SCN10A: variants seen among roughly 807,000 people sequenced by gnomAD.
SCN10A encodes sodium channel protein type 10 subunit alpha.
Under a neutral mutation model 170.7 loss-of-function variants are expected in SCN10A, and 162 were observed. That is an observed-to-expected ratio of 0.95 (90% CI 0.84 to 1.08). SCN10A has a LOEUF of 1.08. Among genes scored for constraint, SCN10A ranks in the 50% least tolerant of loss-of-function variants. The probability of loss-of-function intolerance (pLI) is 0.00; values close to 1 mark genes in which losing one functional copy is unlikely to be tolerated. For synonymous variants in SCN10A, 985 were observed against 904.6 expected (o/e 1.09, Z -1.59); for missense variants, 2,527 against 2,436.9 (o/e 1.04, Z -0.78).
chr3:38,701,718 G>T, intron 27 of SCN10A, 121 bp downstream of exon 27: 1 of 907,536 alleles, frequency 1.1e-6, no homozygotes. Flanking sequence ...CAAATACAGG[G>T]TTCTTCTAAC....
chr3:38,789,050 GT>G lies in SCN10A; in HGVS notation c.390-15del. On this transcript the variant is annotated splice_polypyrimidine_tract_variant and intron_variant, in intron 3 of 27. Transcript: ENST00000449082. ...AAACTGAACCACCTGAAAGGCCTGT[GT>G]TAAGGAAAAGCTGAGATCACCAAGT... 2 of 1,560,830 alleles carry G rather than the reference GT, an allele frequency of 1.3e-6. No individual in the cohort carries two copies. The highest frequency in any genetic ancestry group is 1.8e-6 in the Non-Finnish European group (2 of 1,132,212).
chr3:38,781,997 A>G (rs1306802691), intron 4 of SCN10A, among the ~76,000 whole-genome samples: 1 of 152,050 alleles, frequency 6.6e-6, no homozygotes, highest in African/African-American at 2.4e-5. Flanking sequence ...CGTGTAATAC[A>G]TTGTCCTTAG....
chr3:38,757,356 T>C (rs2063820304), intron 8 of SCN10A, among the ~76,000 whole-genome samples, 197 bp from the exon 9 acceptor site: 1 of 152,200 alleles, frequency 6.6e-6, no homozygotes, highest in African/African-American at 2.4e-5. Context: ...GCTAATACTT[T>C]CACGTCAGAA....
chr3:38,755,956 C>A lies in SCN10A; in HGVS notation c.1293G>T (p.Val431=). 6.2e-7 allele frequency: 1 copy of A among 1,614,210 alleles called. No individual in the cohort carries two copies. Among genetic ancestry groups the A allele is most frequent in the South Asian group, 1.1e-5 (1 of 91,088 alleles). Residue 431 remains valine (V), a splice_region_variant and synonymous_variant, in exon 11 of 28, where the codon GTG becomes GTT. Transcript: ENST00000449082. ...TTGTGTCAATCCCTAGTGCTGCTAGCACCTGCGAAGAGAGAACAGCAGGTG... is the reference window on the plus strand; with the variant it reads ...TTGTGTCAATCCCTAGTGCTGCTAGAACCTGCGAAGAGAGAACAGCAGGTG... ...ALEMLRKEQE[V]LAALGIDTTS... is the part of the protein sequence containing the mutation.
intron 4 of SCN10A, among the ~76,000 whole-genome samples, chr3:38,780,266 C>A (rs1391359062): frequency 9.9e-5 from 15 of 151,790 alleles, no homozygotes; most frequent in African/African-American, 2.4e-5. Flanking sequence ...GACCGAGATT[C>A]CACTTTCTCT....
intron 3 of SCN10A, among the ~76,000 whole-genome samples, chr3:38,791,259 G>A (rs2064277358): frequency 6.6e-6 from 1 of 152,162 alleles, no homozygotes; most frequent in Admixed American, 6.5e-5. Flanking sequence ...TAGGTCATTA[G>A]GATCTTTCCA....
rs756977771 is a variant in SCN10A at position 38,728,703 on chromosome 3, A to G, written c.2479T>C (p.Trp827Arg). ...AAGTCGTGCATGTGCCAGCGGGGCC[A>G]GTCTTCATGGGGCGCGGAGATATTT... ...RKNISAPHED[W>R]PRWHMHDFFH... Residue 827 changes from tryptophan (W) to arginine (R), a missense_variant, in exon 16 of 28, where the codon TGG becomes CGG. By Grantham distance (101) the Trp-to-Arg change is moderately radical (BLOSUM62 -3). Transcript: ENST00000449082. The G allele has an allele frequency of 5.0e-6, 8 of 1,613,956 alleles. No individual in the cohort carries two copies. Among genetic ancestry groups the G allele is most frequent in the African/African-American group, 2.7e-5 (2 of 74,898 alleles).
At chr3:38,731,383 A>G (rs1311787608) in intron 15 of SCN10A, among the ~76,000 whole-genome samples, 1 of 152,314 alleles carries the variant, frequency 6.6e-6, no homozygotes, top group East Asian at 1.9e-4. Flanking sequence ...GTAATATGTA[A>G]TGTGTAATAT....
intron 4 of SCN10A, among the ~76,000 whole-genome samples, chr3:38,780,885 T>G (rs2064131088): frequency 6.6e-6 from 1 of 151,990 alleles, no homozygotes; most frequent in African/African-American, 2.4e-5. Flanking sequence ...ACCTTGAAGA[T>G]GAGGAGAGTA....
chr3:38,795,623 T>C (rs2126062866), intron 1 of SCN10A, among the ~76,000 whole-genome samples: 1 of 152,234 alleles, frequency 6.6e-6, no homozygotes, highest in Admixed American at 6.5e-5. Flanking sequence ...ATACTGTATA[T>C]TTTGGCTACC....
intron 26 of SCN10A, among the ~76,000 whole-genome samples, chr3:38,703,701 T>C (rs995876148): frequency 6.6e-6 from 1 of 152,232 alleles, no homozygotes; most frequent in African/African-American, 2.4e-5. Context: ...TTACCCAACT[T>C]TTAGACATCA....
At position 38,718,699 on chromosome 3, in the gene SCN10A, T is replaced by A; in HGVS notation, c.3635A>T (p.Lys1212Met). 2.5e-6 allele frequency: 4 copies of A among 1,614,228 alleles called. No individual in the cohort carries two copies. The highest frequency in any genetic ancestry group is 3.4e-6 in the Non-Finnish European group (4 of 1,180,038). ...CCAGCACCAGGCATTGGTGAAGTAC[T>A]TTTTGAAGCCATAGGCCACCCACTT... ...LLKWVAYGFK[K>M]YFTNAWCWLD... Residue 1212 changes from lysine to methionine, a missense_variant, in exon 21 of 28, where the codon AAG (lysine) becomes ATG (methionine). Transcript: ENST00000449082.
In SCN10A at chr3:38,728,523, A is replaced by G; in HGVS notation, c.2640+19T>C. 6.4e-7 allele frequency: 1 copy of G among 1,552,646 alleles called. No individual in the cohort carries two copies. Among genetic ancestry groups the G allele is most frequent in the Middle Eastern group, 1.8e-4 (1 of 5,624 alleles). On this transcript the variant is annotated intron_variant, in intron 16 of 27. Transcript: ENST00000449082. ...CCTTTCCCCAGGAGACAGTGCCCCC[A>G]GCAGGGTTCACCACTCACCACCAGG...
intron 14 of SCN10A, 62 bp downstream of exon 14, chr3:38,742,229 T>C: frequency 2.4e-5 from 18 of 755,416 alleles, no homozygotes; most frequent in Non-Finnish European, 3.0e-5. Context: ...AACTGCACCC[T>C]GCCATCATCC....
intron 23 of SCN10A, among the ~76,000 whole-genome samples, chr3:38,711,652 T>C (rs995810030): frequency 4.6e-5 from 7 of 152,272 alleles, no homozygotes; most frequent in Middle Eastern, 3.4e-3. Flanking sequence ...GTAATTGTAT[T>C]AACACTTGAA....
chr3:38,765,163 T>C (rs1299667006), intron 5 of SCN10A, among the ~76,000 whole-genome samples: 2 of 152,224 alleles, frequency 1.3e-5, no homozygotes, highest in Non-Finnish European at 2.9e-5. Context: ...CTATGGGTTG[T>C]CTGTTTACTT....
chr3:38,732,829 T>C (rs1216490309), intron 15 of SCN10A, among the ~76,000 whole-genome samples: 2 of 152,166 alleles, frequency 1.3e-5, no homozygotes, highest in Non-Finnish European at 2.9e-5. Context: ...TCAGGAAAGA[T>C]TTAGCTGGTT....
rs762083371 is a variant in SCN10A at position 38,760,723 on chromosome 3, C to T, written c.908G>A (p.Gly303Asp). Reference sequence around the variant, plus strand: ...GCCACACAGTAAGGGGTCAGAAGTGCCTCGCTTATTTATGTAGATATCTGC... The same window carrying T: ...GCCACACAGTAAGGGGTCAGAAGTGTCTCGCTTATTTATGTAGATATCTGC... The part of the protein sequence containing the change: ...RKPDIYINKR[G>D]TSDPLLCGNG... The change falls in exon 8 of 28, where the codon GGC (glycine) becomes GAC (aspartate). Residue 303 changes from glycine (G) to aspartate (D), a missense_variant. Transcript: ENST00000449082. 16 of 1,613,864 alleles carry T rather than the reference C, an allele frequency of 9.9e-6. No homozygotes were observed. The highest frequency in any genetic ancestry group is 1.3e-5 in the Non-Finnish European group (15 of 1,179,854).
intron 11 of SCN10A, among the ~76,000 whole-genome samples, chr3:38,754,621 G>A (rs1008635374): frequency 3.3e-5 from 5 of 152,210 alleles, no homozygotes; most frequent in African/African-American, 1.2e-4. Context: ...TGTCTGAACT[G>A]TGCCCCATGT....
Sources: allele counts gnomAD v4.1 joint callset (sites outside exome capture counted in the v4.1 genomes callset), GRCh38; gene constraint gnomAD v4.1.1; transcripts MANE v1.5; gene names NCBI Gene and HGNC (gene_info 2026-07-23, HGNC 2026-07-21).